Variants in ARHGAP18 observed in about 807,000 individuals in gnomAD.
ARHGAP18 encodes Rho GTPase activating protein 18.
Under a neutral mutation model 86.2 loss-of-function variants are expected in ARHGAP18, and 67 were observed. That is an observed-to-expected ratio of 0.78 (90% confidence interval 0.64 to 0.95). The LOEUF (loss-of-function observed/expected upper bound fraction) is 0.95. Among genes scored for constraint, ARHGAP18 ranks in the 40% least tolerant of loss-of-function variants. ARHGAP18 has a pLI of 0.00. For synonymous variants in ARHGAP18, 283 were observed against 280.4 expected (o/e 1.01, Z -0.09); for missense variants, 691 against 780.4 (o/e 0.89, Z 1.37).
intron 12 of ARHGAP18, among the ~76,000 whole-genome samples, chr6:129,586,711 T>C (rs547902822): frequency 6.6e-6 from 1 of 152,158 alleles, no homozygotes; most frequent in African/African-American, 2.4e-5. Context: ...ATTGAGAAAA[T>C]AATATATTAC....
At chr6:129,704,184 C>G (rs1163550578) in intron 1 of ARHGAP18, among the ~76,000 whole-genome samples, 1 of 152,104 alleles carries the variant, frequency 6.6e-6, no homozygotes, top group Non-Finnish European at 1.5e-5. Context: ...AGGGCTCACA[C>G]CTATAATCCT....
chr6:129,625,094 A>ATAT lies in ARHGAP18; in HGVS notation c.786+4258_786+4259insATA, dbSNP rs1357260051. Among the ~76,000 whole-genome samples, 9 of 99,010 alleles carry ATAT rather than the reference A, an allele frequency of 9.1e-5. 1 individual carries two copies. Among genetic ancestry groups the ATAT allele is most frequent in the East Asian group, 5.0e-4 (2 of 4,014 alleles). 65.0% of individuals were successfully genotyped at this position (99,010 alleles called of 152,430 possible). On this transcript the variant is annotated intron_variant, in intron 5 of 14. Transcript: ENST00000368149. ...ATATAATATATATGATATATGATAT[A>ATAT]TGATATATATTATATATTATATAGA...
intron 1 of ARHGAP18, among the ~76,000 whole-genome samples, chr6:129,706,534 A>G (rs1774804843): frequency 6.6e-6 from 1 of 152,210 alleles, no homozygotes; most frequent in African/African-American, 2.4e-5. Flanking sequence ...CTAACAAATT[A>G]CTTCCAAAAA....
chr6:129,622,305 A>G (rs193103159), intron 5 of ARHGAP18, among the ~76,000 whole-genome samples: 4 of 151,934 alleles, frequency 2.6e-5, no homozygotes, highest in African/African-American at 9.7e-5. Context: ...TAATTGCTTC[A>G]TTTTCTGAAT....
chr6:129,632,043 G>A (rs1773230048), intron 4 of ARHGAP18, among the ~76,000 whole-genome samples: 1 of 152,072 alleles, frequency 6.6e-6, no homozygotes, highest in Non-Finnish European at 1.5e-5. Context: ...CTCAAGTGTG[G>A]GGAAAACATT....
At chr6:129,684,675 G>A (rs1323994659) in intron 1 of ARHGAP18, among the ~76,000 whole-genome samples, 6 of 152,178 alleles carry the variant, frequency 3.9e-5, no homozygotes, top group Admixed American at 1.3e-4. Flanking sequence ...TAATATATCC[G>A]TAGAAGTCCA....
Position 129,625,637 on chromosome 6 carries a change from A to T in ARHGAP18, c.786+3716T>A, listed in dbSNP as rs111218879. Among the ~76,000 whole-genome samples the T allele has an allele frequency of 1.8e-4, 5 of 27,424 alleles. 1 individual carries two copies. The highest frequency in any genetic ancestry group is 1.3e-3 in the South Asian group (1 of 784). The allele number at this position is 27,424 out of a possible 152,430, so 18.0% of individuals were successfully genotyped here. ...ATATATTTATATATTATATATATTT[A>T]TATTATATATTTATATATTATATAT... On this transcript the variant is annotated intron_variant, in intron 5 of 14. Coordinates refer to ENST00000368149, the MANE Select transcript of ARHGAP18 (RefSeq NM_033515.3).
At chr6:129,636,703 C>CTTG (rs1332589507) in intron 3 of ARHGAP18, among the ~76,000 whole-genome samples, 1 of 152,170 alleles carries the variant, frequency 6.6e-6, no homozygotes, top group African/African-American at 2.4e-5. Flanking sequence ...ATGGCGAGAC[C>CTTG]TTGTCTCTAC....
At chr6:129,620,071 G>A (rs986609975) in intron 5 of ARHGAP18, among the ~76,000 whole-genome samples, 2 of 152,120 alleles carry the variant, frequency 1.3e-5, no homozygotes, top group Non-Finnish European at 2.9e-5. Flanking sequence ...ACTGCAGGTT[G>A]AGTACACCTC....
At chr6:129,655,550 T>C (rs546434513) in intron 1 of ARHGAP18, among the ~76,000 whole-genome samples, 2 of 152,086 alleles carry the variant, frequency 1.3e-5, no homozygotes, top group South Asian at 4.2e-4. Context: ...AAGATCAAGG[T>C]TGTCAGATAC....
At chr6:129,603,326 T>C (rs140661523) in intron 10 of ARHGAP18, among the ~76,000 whole-genome samples, 73 of 152,302 alleles carry the variant, frequency 4.8e-4, no homozygotes, top group Middle Eastern at 3.4e-3. Context: ...CATTATTTCA[T>C]GCTGTCTTAT....
At chr6:129,648,183 G>T (rs1327236448) in intron 1 of ARHGAP18, among the ~76,000 whole-genome samples, 2 of 150,910 alleles carry the variant, frequency 1.3e-5, no homozygotes, top group African/African-American at 4.9e-5. Context: ...AATTTTTTTG[G>T]TTTTTTGAGA....
chr6:129,608,110 T>G, intron 8 of ARHGAP18, 58 bp from the exon 9 acceptor site: 1 of 1,497,736 alleles, frequency 6.7e-7, no homozygotes, highest in Non-Finnish European at 8.8e-7. Context: ...GTGCATTTTT[T>G]TTCTTGCTGA....
chr6:129,697,258 G>A (rs771172631), intron 1 of ARHGAP18, among the ~76,000 whole-genome samples: 1 of 152,182 alleles, frequency 6.6e-6, no homozygotes, highest in Non-Finnish European at 1.5e-5. Flanking sequence ...CATCTTGCAT[G>A]ATAAAGCCCA....
At chr6:129,586,077 C>A (rs551695894) in intron 12 of ARHGAP18, among the ~76,000 whole-genome samples, 1 of 152,288 alleles carries the variant, frequency 6.6e-6, no homozygotes, top group Non-Finnish European at 1.5e-5. Flanking sequence ...TCATGTGGTA[C>A]AAAGCAGTTA....
intron 10 of ARHGAP18, among the ~76,000 whole-genome samples, chr6:129,601,175 T>A (rs1788735090): frequency 6.6e-6 from 1 of 152,192 alleles, no homozygotes; most frequent in South Asian, 2.1e-4. Flanking sequence ...ATGTAAAACA[T>A]CATACAAACA....
chr6:129,668,531 T>C (rs1774085436), intron 1 of ARHGAP18, among the ~76,000 whole-genome samples: 1 of 152,192 alleles, frequency 6.6e-6, no homozygotes, highest in Admixed American at 6.5e-5. Flanking sequence ...TTCTTCAGCC[T>C]GATGTTCAAG....
chr6:129,675,122 T>A lies in ARHGAP18; in HGVS notation c.114-33104A>T, dbSNP rs200229971. On this transcript the variant is annotated intron_variant, in intron 1 of 14. Coordinates refer to ENST00000368149, the MANE Select transcript of ARHGAP18 (RefSeq NM_033515.3). ...CTTACAATCTTGCCATTCCAATGTGTCAGTTGAGAAACAGAAGGACAAGTG... is the reference window on the plus strand; with the variant it reads ...CTTACAATCTTGCCATTCCAATGTGACAGTTGAGAAACAGAAGGACAAGTG... Among the ~76,000 whole-genome samples the A allele has an allele frequency of 2.6e-5, 4 of 152,130 alleles. No homozygotes were observed. The East Asian group carries it at 7.7e-4, about 29-fold the overall frequency.
chr6:129,655,238 G>A (rs1431818521), intron 1 of ARHGAP18, among the ~76,000 whole-genome samples: 1 of 146,170 alleles, frequency 6.8e-6, no homozygotes, highest in Non-Finnish European at 1.5e-5. Context: ...AGAATTGCTT[G>A]AACCTGGGAG....
Sources: allele counts gnomAD v4.1 joint callset (sites outside exome capture counted in the v4.1 genomes callset), GRCh38; gene constraint gnomAD v4.1.1; transcripts MANE v1.5; gene names NCBI Gene and HGNC (gene_info 2026-07-23, HGNC 2026-07-21).